The following PDE1C variants were observed in gnomAD, a reference collection of about 807,000 sequenced individuals.
PDE1C encodes the protein dual specificity calcium/calmodulin-dependent 3',5'-cyclic nucleotide phosphodiesterase 1C.
PDE1C carries 62 observed loss-of-function variants against 93.1 expected under a neutral mutation model. That is an observed-to-expected ratio of 0.67 (90% confidence interval 0.54 to 0.82). The LOEUF (loss-of-function observed/expected upper bound fraction) is 0.82, where lower values mean the gene tolerates loss of function less well. Among genes scored for constraint, PDE1C ranks in the 40% least tolerant of loss-of-function variants. The pLI is 0.00. For synonymous variants in PDE1C, 325 were observed against 310.1 expected (o/e 1.05, Z -0.50); for missense variants, 742 against 884.6 (o/e 0.84, Z 2.04).
At chr7:31,853,057 C>T (rs1201939581) in intron 7 of PDE1C, among the ~76,000 whole-genome samples, 1 of 151,868 alleles carries the variant, frequency 6.6e-6, no homozygotes, top group Non-Finnish European at 1.5e-5. Flanking sequence ...AACATCAGCC[C>T]AGGCAGCAGA....
rs1789215750 is a variant in PDE1C, at chr7:31,823,254, A to G, written c.1407-6T>C. ...ACGAGCTGATGCTATTCAAACTGGAAAACAAAAAAATCATACCAAAGAAGA... is the reference window on the plus strand; with the variant it reads ...ACGAGCTGATGCTATTCAAACTGGAGAACAAAAAAATCATACCAAAGAAGA... On this transcript the variant is annotated splice_region_variant and splice_polypyrimidine_tract_variant and intron_variant, in intron 13 of 17. Coordinates refer to ENST00000396191, the MANE Select transcript of PDE1C (RefSeq NM_001191057.4). 1 of 1,600,066 alleles carries G rather than the reference A, an allele frequency of 6.2e-7. No individual in the cohort carries two copies. Among genetic ancestry groups the G allele is most frequent in the South Asian group, 1.1e-5 (1 of 88,444 alleles).
chr7:32,180,038 A>T (rs1302621082), intron 2 of PDE1C, among the ~76,000 whole-genome samples: 3 of 152,152 alleles, frequency 2.0e-5, no homozygotes, highest in Non-Finnish European at 4.4e-5. Context: ...TGGGGCTGGG[A>T]TACATAGGAA....
At chr7:31,987,937 T>C (rs1783633309) in intron 2 of PDE1C, among the ~76,000 whole-genome samples, 1 of 152,222 alleles carries the variant, frequency 6.6e-6, no homozygotes, top group African/African-American at 2.4e-5. Flanking sequence ...GGGGTGACTG[T>C]GGATGGGCCA....
chr7:31,801,621 T>A (rs982391559), intron 16 of PDE1C, among the ~76,000 whole-genome samples: 3 of 151,492 alleles, frequency 2.0e-5, no homozygotes, highest in African/African-American at 7.3e-5. Flanking sequence ...AAATAAATTG[T>A]GAATTAAAAA....
chr7:32,051,715 C>G, intron 1 of PDE1C, 135 bp from the exon 2 acceptor site: 3 of 709,918 alleles, frequency 4.2e-6, no homozygotes, highest in East Asian at 5.4e-5. Context: ...TTATGGGTTT[C>G]AAAGCTTAGT....
intron 2 of PDE1C, among the ~76,000 whole-genome samples, chr7:31,964,092 G>A (rs998297367): frequency 1.3e-5 from 2 of 152,224 alleles, no homozygotes; most frequent in East Asian, 1.9e-4. Context: ...TCTCACTGGG[G>A]AGTGCCAGAA....
chr7:32,348,967 A>G (rs1278504236), intron 1 of PDE1C, among the ~76,000 whole-genome samples: 3 of 152,198 alleles, frequency 2.0e-5, no homozygotes. Context: ...TCACACAACT[A>G]AAGCTTTGGA....
chr7:31,937,120 T>C (rs1020817555), intron 2 of PDE1C, among the ~76,000 whole-genome samples: 1 of 152,108 alleles, frequency 6.6e-6, no homozygotes, highest in Non-Finnish European at 1.5e-5. Flanking sequence ...GTTCTTGTTA[T>C]GTAGACAAAG....
At chr7:31,625,640 G>T in the PDE1C span, among the ~76,000 whole-genome samples, 1 of 151,956 alleles carries the variant, frequency 6.6e-6, no homozygotes, top group African/African-American at 2.4e-5. Flanking sequence ...GAGGAGGGGG[G>T]AGGGATAGCA....
intron 1 of PDE1C, among the ~76,000 whole-genome samples, chr7:32,341,071 A>G (rs1783737713): frequency 6.6e-6 from 1 of 150,628 alleles, no homozygotes; most frequent in Non-Finnish European, 1.5e-5. Context: ...GGGGATGTTG[A>G]TAGCAGGGTA....
intron 3 of PDE1C, among the ~76,000 whole-genome samples, chr7:32,167,564 A>G (rs11535185): frequency 0.28 from 43,180 of 152,020 alleles, 6,314 homozygotes; most frequent in East Asian, 0.43. Context: ...AAAAGGCATA[A>G]CAGGATAAGC....
At chr7:32,069,815 G>A (rs1342337335) in intron 1 of PDE1C, among the ~76,000 whole-genome samples, 1 of 152,112 alleles carries the variant, frequency 6.6e-6, no homozygotes, top group African/African-American at 2.4e-5. Context: ...TCAGAAGTTC[G>A]ACTGGGCTAA....
intron 2 of PDE1C, among the ~76,000 whole-genome samples, chr7:32,036,720 A>G (rs576022644): frequency 6.6e-6 from 1 of 152,328 alleles, no homozygotes; most frequent in East Asian, 1.9e-4. Context: ...AAATTCCTTG[A>G]AAAACCACAA....
At chr7:31,989,219 T>C (rs1265335450) in intron 2 of PDE1C, among the ~76,000 whole-genome samples, 1 of 152,170 alleles carries the variant, frequency 6.6e-6, no homozygotes, top group Non-Finnish European at 1.5e-5. Context: ...TGCTTTATTT[T>C]CATTTGTGTT....
chr7:32,125,853 A>G (rs1393455367), intron 3 of PDE1C, among the ~76,000 whole-genome samples: 1 of 152,176 alleles, frequency 6.6e-6, no homozygotes, highest in Non-Finnish European at 1.5e-5. Context: ...AAATTTAAAA[A>G]AAAGAAAAAA....
chr7:32,111,366 C>T (rs1798630468), intron 3 of PDE1C, among the ~76,000 whole-genome samples: 1 of 152,166 alleles, frequency 6.6e-6, no homozygotes, highest in Non-Finnish European at 1.5e-5. Flanking sequence ...AATAGTACCA[C>T]ATTCATAGCA....
At chr7:32,301,045 C>T (rs1394130918), upstream of PDE1C, among the ~76,000 whole-genome samples, 3 of 152,056 alleles carry the variant, frequency 2.0e-5, no homozygotes, top group Non-Finnish European at 2.9e-5. Flanking sequence ...CACTATGTTG[C>T]CAAGGCTTGT....
At chr7:32,097,184 C>T (rs1483879845) in intron 3 of PDE1C, among the ~76,000 whole-genome samples, 1 of 152,180 alleles carries the variant, frequency 6.6e-6, no homozygotes. Flanking sequence ...ATCTGTATTA[C>T]TCAGTTTACT....
At chr7:31,954,301 A>G (rs1807827204) in intron 2 of PDE1C, among the ~76,000 whole-genome samples, 1 of 152,150 alleles carries the variant, frequency 6.6e-6, no homozygotes, top group Non-Finnish European at 1.5e-5. Flanking sequence ...GGGGCTTCGG[A>G]GGCTGTAGCA....
Sources: gnomAD v4.1 joint callset for allele counts (sites outside exome capture counted in the v4.1 genomes callset) on GRCh38, gnomAD v4.1.1 for gene constraint, MANE v1.5 for transcripts, NCBI Gene and HGNC (gene_info 2026-07-23, HGNC 2026-07-21) for gene names.